The following SEPTIN7 variants were observed in gnomAD, a reference collection of about 807,000 sequenced individuals.
The protein encoded by SEPTIN7 is septin 7.
SEPTIN7 carries 10 observed loss-of-function variants against 63.3 expected under a neutral mutation model. The ratio of observed to expected loss-of-function variants is 0.16; its 90% CI spans 0.10 to 0.27. The LOEUF is 0.27. Ranked by LOEUF, SEPTIN7 falls within the 10% of genes least tolerant of loss-of-function variation. The pLI is 1.00. For synonymous variants in SEPTIN7, 131 were observed against 165.3 expected, an observed-to-expected ratio of 0.79 and a Z score of 1.59; for missense variants, 310 against 521.0, an observed-to-expected ratio of 0.59 and a Z score of 3.94.
chr7:35,803,034 C>A, intron 1 of SEPTIN7: 1 of 307,804 alleles, frequency 3.2e-6, no homozygotes, highest in Non-Finnish European at 4.7e-6. Flanking sequence ...TATTTTACCA[C>A]ATCTTAGGCT....
At chr7:35,876,171 C>T (rs1456858116) in intron 6 of SEPTIN7, among the ~76,000 whole-genome samples, 1 of 151,922 alleles carries the variant, frequency 6.6e-6, no homozygotes, top group Non-Finnish European at 1.5e-5. Flanking sequence ...CCCTAATTTC[C>T]TTGTTATGTT....
intron 3 of SEPTIN7, chr7:35,846,998 G>A (rs529265342): frequency 6.4e-6 from 1 of 155,098 alleles, no homozygotes; most frequent in Admixed American, 6.5e-5. Flanking sequence ...AGACCATGCA[G>A]ATTCCACTGA....
intron 1 of SEPTIN7, among the ~76,000 whole-genome samples, 171 bp downstream of exon 1, chr7:35,801,441 G>T (rs934838614): frequency 1.4e-4 from 21 of 152,140 alleles, no homozygotes; most frequent in Non-Finnish European, 2.9e-4. Context: ...GGCGGGCTCG[G>T]GGGGAGGGGA....
intron 12 of SEPTIN7, chr7:35,902,180 T>TA (rs1788362126): frequency 6.6e-6 from 1 of 151,758 alleles, no homozygotes; most frequent in Non-Finnish European, 1.5e-5. Context: ...GTATTTGGCA[T>TA]AGAAGGATTT....
intron 3 of SEPTIN7, among the ~76,000 whole-genome samples, chr7:35,851,444 C>A (rs1479077129): frequency 6.6e-6 from 1 of 152,210 alleles, no homozygotes; most frequent in South Asian, 2.1e-4. Context: ...TAATTTGGAA[C>A]ATTCAGAAAT....
intron 3 of SEPTIN7, among the ~76,000 whole-genome samples, chr7:35,854,259 T>A (rs539047464): frequency 6.6e-6 from 1 of 152,354 alleles, no homozygotes; most frequent in South Asian, 2.1e-4. Flanking sequence ...AGTCAATGCT[T>A]GTAAAATACT....
intron 1 of SEPTIN7, among the ~76,000 whole-genome samples, chr7:35,805,600 T>G (rs1788280185): frequency 1.3e-5 from 2 of 152,184 alleles, no homozygotes; most frequent in African/African-American, 4.8e-5. Flanking sequence ...ATGTACAGTA[T>G]TATGTTTTAG....
At chr7:35,808,565 A>G (rs1788499871) in intron 1 of SEPTIN7, among the ~76,000 whole-genome samples, 2 of 152,194 alleles carry the variant, frequency 1.3e-5, no homozygotes, top group African/African-American at 4.8e-5. Context: ...TAGGAAGTCT[A>G]AGATCACAGT....
Position 35,832,772 on chromosome 7 carries a change from A to T in SEPTIN7, c.67-26A>T, listed in dbSNP as rs777091801. 9.5e-6 allele frequency: 12 copies of T among 1,258,674 alleles called. No individual in the cohort carries two copies. In the South Asian group the frequency reaches 1.3e-4, roughly 14 times the overall value. The allele number at this position is 1,258,674 out of a possible 1,614,324, so 78.0% of individuals were successfully genotyped here. A position where few individuals can be genotyped will look rare whatever the true frequency, so the allele number is the denominator to read the frequency against. On this transcript the variant is annotated intron_variant, in intron 2 of 13. Coordinates refer to ENST00000350320, the MANE Select transcript of SEPTIN7 (RefSeq NM_001788.6). Reference sequence around the variant, plus strand: ...TGAATAGTACTGTTGATACATGAATAACTTGGCCCTTTTTGCTTTTGTCAG... The same window carrying T: ...TGAATAGTACTGTTGATACATGAATTACTTGGCCCTTTTTGCTTTTGTCAG...
chr7:35,900,159 G>T (rs1174972479), intron 12 of SEPTIN7: 3 of 152,194 alleles, frequency 2.0e-5, no homozygotes, highest in African/African-American at 7.2e-5. Context: ...GAATGAGAAA[G>T]TATTAAATAA....
rs540920990 is a variant in SEPTIN7, at chr7:35,873,396, A to C, written c.378-245A>C. ...TGTTATTAATACACTTATTAGTGCAAATAATATGCTAATATTTAGCTGTGT... is the reference window on the plus strand; with the variant it reads ...TGTTATTAATACACTTATTAGTGCACATAATATGCTAATATTTAGCTGTGT... On this transcript the variant is annotated intron_variant, in intron 5 of 13. Transcript: ENST00000350320. Among the ~76,000 whole-genome samples the C allele has an allele frequency of 3.3e-5, 5 of 152,182 alleles. No homozygotes were observed. In the East Asian group the frequency reaches 9.6e-4, roughly 29 times the overall value.
At chr7:35,822,171 C>T (rs1199866582) in intron 1 of SEPTIN7, among the ~76,000 whole-genome samples, 1 of 152,020 alleles carries the variant, frequency 6.6e-6, no homozygotes, top group African/African-American at 2.4e-5. Context: ...CCTCTGCCTC[C>T]CAGGTTCAAG....
intron 1 of SEPTIN7, among the ~76,000 whole-genome samples, chr7:35,825,353 T>TAAAAATGA (rs2115829166): frequency 6.6e-6 from 1 of 152,306 alleles, no homozygotes; most frequent in East Asian, 1.9e-4. Flanking sequence ...TGTATTGAAC[T>TAAAAATGA]GTTTGTAGTT....
chr7:35,880,223 C>CTTTTTTTTTTTTTTTTTTTTTTTA, intron 7 of SEPTIN7, among the ~76,000 whole-genome samples: 1 of 72,776 alleles, frequency 1.4e-5, no homozygotes, highest in African/African-American at 6.0e-5. Flanking sequence ...TTTTTCTTTT[C>CTTTTTTTTTTTTTTTTTTTTTTTA]TTTTTTTTTT....
intron 11 of SEPTIN7, among the ~76,000 whole-genome samples, chr7:35,894,270 A>G (rs1378868579): frequency 6.6e-6 from 1 of 151,954 alleles, no homozygotes; most frequent in Non-Finnish European, 1.5e-5. Flanking sequence ...ACCAATTGTG[A>G]CAATAGATAC....
At chr7:35,860,310 A>G (rs978727046) in intron 3 of SEPTIN7, among the ~76,000 whole-genome samples, 14 of 152,284 alleles carry the variant, frequency 9.2e-5, no homozygotes, top group Admixed American at 2.0e-4. Flanking sequence ...TTATGTACCT[A>G]TTAACACAGA....
chr7:35,810,924 G>T (rs893426637), intron 1 of SEPTIN7, among the ~76,000 whole-genome samples: 1 of 151,748 alleles, frequency 6.6e-6, no homozygotes, highest in Non-Finnish European at 1.5e-5. Flanking sequence ...ATGCCACCAC[G>T]CCTGGCTAAT....
rs1319988003 is a variant in SEPTIN7 at position 35,903,167 on chromosome 7, C to G, written c.1226C>G (p.Ala409Gly). ...CGTCGTCAGTTCGAGGATGAGAAAG[C>G]AAACTGGGAAGCTCAACAACGTATT... ...EKRRQFEDEK[A>G]NWEAQQRILE... Residue 409 changes from alanine to glycine, a missense_variant, in exon 13 of 14, where the codon GCA (alanine) becomes GGA (glycine). By Grantham distance (60) the Ala-to-Gly change is moderately conservative (BLOSUM62 0). This residue lies in a region of SEPTIN7 where 255 missense variants were observed against 490.5 expected (regional missense o/e 0.52). Coordinates refer to ENST00000350320, the MANE Select transcript of SEPTIN7 (RefSeq NM_001788.6). The G allele has an allele frequency of 1.2e-6, 2 of 1,601,682 alleles. No individual in the cohort carries two copies. Among genetic ancestry groups the G allele is most frequent in the Non-Finnish European group, 1.7e-6 (2 of 1,175,142 alleles).
chr7:35,838,240 C>A (rs76450574), intron 3 of SEPTIN7, among the ~76,000 whole-genome samples: 15,260 of 33,240 alleles, frequency 0.46, 1,262 homozygotes, highest in South Asian at 0.52. Flanking sequence ...ATCCAAACTT[C>A]CTTCCTTCCT....
Sources: allele counts gnomAD v4.1 joint callset (sites outside exome capture counted in the v4.1 genomes callset), GRCh38; gene constraint gnomAD v4.1.1; regional missense constraint gnomAD v4.1.1; transcripts MANE v1.5; gene names NCBI Gene and HGNC (gene_info 2026-07-23, HGNC 2026-07-21).